The following GRIK4 variants were observed in gnomAD, a reference collection of about 807,000 sequenced individuals.
GRIK4 encodes glutamate receptor ionotropic, kainate 4.
In GRIK4, 40 loss-of-function variants were observed where a neutral mutation model predicts 104.9. The observed-to-expected ratio is 0.38, with a 90% confidence interval of 0.30 to 0.50. The LOEUF (loss-of-function observed/expected upper bound fraction) is 0.50, where lower values mean the gene tolerates loss of function less well. GRIK4 is among the 20% of genes least tolerant of loss of function. GRIK4 has a pLI of 0.93. For missense variants in GRIK4, 1,047 were observed against 1,308.1 expected (o/e 0.80, Z 3.08); for synonymous variants, 485 against 524.9 (o/e 0.92, Z 1.04).
At position 120,986,527 on chromosome 11, in the gene GRIK4, T is replaced by G. The variant is rs2134821964; in HGVS notation, c.*267T>G. On this transcript the variant is annotated 3_prime_UTR_variant, in exon 21 of 21. Coordinates refer to ENST00000527524, the MANE Select transcript of GRIK4 (RefSeq NM_014619.5). ...GGCACAAGGACCCATCTTCTCCCAG[T>G]GGGTCTTTCCCTCTCGCCAAAATAA... The G allele has an allele frequency of 2.2e-6, 1 of 459,052 alleles. No homozygotes were observed. Among genetic ancestry groups the G allele is most frequent in the South Asian group, 3.1e-5 (1 of 32,250 alleles). 28.4% of individuals were successfully genotyped at this position (459,052 alleles called of 1,614,324 possible). A position where few individuals can be genotyped will look rare whatever the true frequency, so the allele number is the denominator to read the frequency against.
chr11:120,791,192 T>C (rs1347239282), intron 3 of GRIK4, among the ~76,000 whole-genome samples: 1 of 152,082 alleles, frequency 6.6e-6, no homozygotes, highest in Non-Finnish European at 1.5e-5. Flanking sequence ...TAGCATTACA[T>C]GGAAGAGGAA....
chr11:120,584,769 C>G (rs559243864), intron 1 of GRIK4, among the ~76,000 whole-genome samples: 1 of 152,230 alleles, frequency 6.6e-6, no homozygotes, highest in African/African-American at 2.4e-5. Context: ...GTTGTTAACA[C>G]GAAATGATGT....
intron 1 of GRIK4, among the ~76,000 whole-genome samples, chr11:120,598,473 G>C (rs1948837172): frequency 6.6e-6 from 1 of 152,200 alleles, no homozygotes; most frequent in South Asian, 2.1e-4. Flanking sequence ...GAGCCAACCA[G>C]TTCTTTTCCT....
At chr11:120,740,131 A>G (rs1294026473) in intron 3 of GRIK4, among the ~76,000 whole-genome samples, 1 of 152,218 alleles carries the variant, frequency 6.6e-6, no homozygotes, top group African/African-American at 2.4e-5. Context: ...GGCATCACAT[A>G]GGTGTAGATT....
chr11:120,662,512 C>T (rs1229789460), intron 3 of GRIK4, among the ~76,000 whole-genome samples: 2 of 152,196 alleles, frequency 1.3e-5, no homozygotes, highest in African/African-American at 4.8e-5. Flanking sequence ...TTGCTAATTA[C>T]ATGGACTCCA....
At chr11:120,795,628 A>G (rs1170535937) in intron 3 of GRIK4, among the ~76,000 whole-genome samples, 1 of 152,248 alleles carries the variant, frequency 6.6e-6, no homozygotes. Context: ...GAAAAGATAG[A>G]CAAATCAGCA....
intron 1 of GRIK4, among the ~76,000 whole-genome samples, chr11:120,652,575 G>A (rs1183040539): frequency 6.6e-6 from 1 of 151,520 alleles, no homozygotes; most frequent in Non-Finnish European, 1.5e-5. Flanking sequence ...AGCCAGTGGG[G>A]GAGTCAGGAC....
chr11:120,753,081 A>T (rs1951585648), intron 3 of GRIK4, among the ~76,000 whole-genome samples: 1 of 152,238 alleles, frequency 6.6e-6, no homozygotes, highest in Non-Finnish European at 1.5e-5. Context: ...TGCTCACCTC[A>T]TCGTGTCCTT....
rs1380509480 is a variant in GRIK4 at position 120,988,222 on chromosome 11, T to G, written c.*1962T>G. ...CTTTAACCATCAAATGACAACAAGC[T>G]GTGCAAGACACTTGTGTCTTTTTTT... On this transcript the variant is annotated 3_prime_UTR_variant, in exon 21 of 21. Coordinates refer to ENST00000527524, the MANE Select transcript of GRIK4 (RefSeq NM_014619.5). The G allele has an allele frequency of 6.6e-6, 1 of 152,196 alleles. No homozygotes were observed. The highest frequency in any genetic ancestry group is 2.4e-5 in the African/African-American group (1 of 41,434). 9.4% of individuals were successfully genotyped at this position (152,196 alleles called of 1,614,324 possible).
chr11:120,796,912 T>C lies in GRIK4; in HGVS notation c.83-5781T>C, dbSNP rs181794671. On this transcript the variant is annotated intron_variant, in intron 3 of 20. Transcript: ENST00000527524. ...CAGGGGGGAGGAGTCCCCTCTAGCA[T>C]TGACACAAGCATGGGACAAGAATAT... Among the ~76,000 whole-genome samples, 35 of 151,484 alleles carry C rather than the reference T, an allele frequency of 2.3e-4. No individual in the cohort carries two copies. In the East Asian group the frequency reaches 5.3e-3, roughly 23 times the overall value.
intron 1 of GRIK4, among the ~76,000 whole-genome samples, chr11:120,651,143 A>C (rs746084253): frequency 5.9e-5 from 9 of 152,136 alleles, no homozygotes; most frequent in Non-Finnish European, 1.2e-4. Flanking sequence ...AGGCCATCCT[A>C]TTGGGGAAAG....
chr11:120,957,625 G>GTGTGTGTATA (rs375508071), intron 16 of GRIK4, among the ~76,000 whole-genome samples: 14 of 144,634 alleles, frequency 9.7e-5, no homozygotes, highest in African/African-American at 3.4e-4. Flanking sequence ...GTGTGTGTGT[G>GTGTGTGTATA]TAGCCTAGAG....
chr11:120,871,334 A>G, intron 9 of GRIK4: 1 of 293,034 alleles, frequency 3.4e-6, no homozygotes, highest in South Asian at 3.5e-5. Flanking sequence ...AGCGAGTTAC[A>G]TGGAAGGACA....
chr11:120,931,305 G>A (rs764894096), intron 13 of GRIK4, among the ~76,000 whole-genome samples: 11 of 152,170 alleles, frequency 7.2e-5, no homozygotes, highest in African/African-American at 9.7e-5. Context: ...CAGGCTAGGA[G>A]GTTTGGCAAC....
At chr11:120,634,830 C>T in intron 1 of GRIK4, among the ~76,000 whole-genome samples, 1 of 152,148 alleles carries the variant, frequency 6.6e-6, no homozygotes, top group East Asian at 1.9e-4. Context: ...ATCTTCGTGC[C>T]CAGCTCACGG....
chr11:120,736,781 T>C (rs1296024362), intron 3 of GRIK4, among the ~76,000 whole-genome samples: 4 of 150,474 alleles, frequency 2.7e-5, no homozygotes, highest in East Asian at 1.9e-4. Flanking sequence ...TCTCTCTCTC[T>C]CCCCTCACCC....
rs1401425903 is a variant in GRIK4 at position 120,967,763 on chromosome 11, C to T, written c.2395+440C>T. On this transcript the variant is annotated intron_variant, in intron 19 of 20. Coordinates refer to ENST00000527524, the MANE Select transcript of GRIK4 (RefSeq NM_014619.5). The surrounding 1 kb of genome is among the most constrained non-coding windows in gnomAD (Gnocchi z 4.2). ...CCCCCCACAAACCTCCCAATGGTTTCCCATCCCACTGGGAATAAAATTCAG... is the reference window on the plus strand; with the variant it reads ...CCCCCCACAAACCTCCCAATGGTTTTCCATCCCACTGGGAATAAAATTCAG... Among the ~76,000 whole-genome samples the T allele has an allele frequency of 6.6e-6, 1 of 152,106 alleles. No homozygotes were observed. The highest frequency in any genetic ancestry group is 2.4e-5 in the African/African-American group (1 of 41,424).
At chr11:120,854,459 G>T (rs148293437) in intron 8 of GRIK4, among the ~76,000 whole-genome samples, 40 of 152,338 alleles carry the variant, frequency 2.6e-4, no homozygotes, top group African/African-American at 9.1e-4. Context: ...AGGTGTTGGA[G>T]TGACACCTTT....
chr11:120,592,486 C>T (rs1341543365), intron 1 of GRIK4, among the ~76,000 whole-genome samples: 2 of 152,218 alleles, frequency 1.3e-5, no homozygotes, highest in East Asian at 1.9e-4. Context: ...GTACTGCATT[C>T]CGTTGGGCTG....
Sources: gnomAD v4.1 joint callset for allele counts (sites outside exome capture counted in the v4.1 genomes callset) on GRCh38, gnomAD v4.1.1 for gene constraint, Gnocchi (gnomAD v3.1) non-coding constraint, MANE v1.5 for transcripts, NCBI Gene and HGNC (gene_info 2026-07-23, HGNC 2026-07-21) for gene names.